BOP1: variants seen among roughly 807,000 people sequenced by gnomAD.
BOP1 encodes ribosome biogenesis protein BOP1.
Under a neutral mutation model 82.9 loss-of-function variants are expected in BOP1, and 54 were observed. That is an observed-to-expected ratio of 0.65 (90% CI 0.52 to 0.82). BOP1 has a LOEUF of 0.82. Ranked by LOEUF, BOP1 falls within the 40% of genes least tolerant of loss-of-function variation. The pLI is 0.00. For synonymous variants in BOP1, 566 were observed against 451.1 expected, an observed-to-expected ratio of 1.25 and a Z score of -3.23; for missense variants, 1,170 against 1,072.0, an observed-to-expected ratio of 1.09 and a Z score of -1.28.
At chr8:144,270,543 C>T (rs901005972) in intron 3 of BOP1, among the ~76,000 whole-genome samples, 2 of 152,100 alleles carry the variant, frequency 1.3e-5, no homozygotes, top group Admixed American at 1.3e-4. Context: ...CTGAGCTGCA[C>T]CGGTAGCAGC....
chr8:144,282,341 G>C (rs1248050146), intron 2 of BOP1, among the ~76,000 whole-genome samples: 1 of 152,212 alleles, frequency 6.6e-6, no homozygotes, highest in East Asian at 1.9e-4. Flanking sequence ...GTCCCAGGGA[G>C]TAGGAACCAG....
chr8:144,285,434 G>A (rs1271282822), intron 2 of BOP1, among the ~76,000 whole-genome samples: 1 of 152,152 alleles, frequency 6.6e-6, no homozygotes, highest in Non-Finnish European at 1.5e-5. Flanking sequence ...GAGGGAGTGG[G>A]GGGACAGGCA....
At position 144,268,049 on chromosome 8, in the gene BOP1, C is replaced by G. The variant is rs1035622616; in HGVS notation, c.391-2978G>C. The G allele has an allele frequency of 1.9e-6, 3 of 1,548,880 alleles. No homozygotes were observed. In the African/African-American group the frequency reaches 4.1e-5, roughly 21 times the overall value. On this transcript the variant is annotated intron_variant, in intron 3 of 15. Transcript: ENST00000569669. ...GCACCCAGCAGGGAGGCCAGAGAGG[C>G]GCAGACTGGCGCTGGGCTCTGCCGG...
At chr8:144,264,886 C>T (rs940362926) in intron 4 of BOP1, 31 bp downstream of exon 4, 17 of 1,608,788 alleles carry the variant, frequency 1.1e-5, no homozygotes, top group South Asian at 4.4e-5. Flanking sequence ...GGGCCCACCC[C>T]GGCTGCTGGC....
intron 2 of BOP1, among the ~76,000 whole-genome samples, chr8:144,283,788 G>C (rs782020195): frequency 2.0e-5 from 3 of 152,238 alleles, no homozygotes; most frequent in African/African-American, 7.2e-5. Flanking sequence ...TGGCATCACC[G>C]CCTAGCGGAG....
chr8:144,263,150 G>C lies in BOP1; in HGVS notation c.1606-9C>G, dbSNP rs985719352. Reference sequence around the variant, plus strand: ...GTCACCTGCGTCACTGGCTGCAGGAGAGCAAGGCTGGCTGAGTGGCTGAGC... The same window carrying C: ...GTCACCTGCGTCACTGGCTGCAGGACAGCAAGGCTGGCTGAGTGGCTGAGC... On this transcript the variant is annotated splice_polypyrimidine_tract_variant and intron_variant, in intron 12 of 15. Transcript: ENST00000569669. 5.8e-5 allele frequency: 93 copies of C among 1,593,508 alleles called. No individual in the cohort carries two copies. Among genetic ancestry groups the C allele is most frequent in the African/African-American group, 6.7e-5 (5 of 74,800 alleles).
chr8:144,268,684 A>G lies in BOP1; in HGVS notation c.391-3613T>C, dbSNP rs1845437538. Among the ~76,000 whole-genome samples the G allele has an allele frequency of 2.6e-5, 4 of 152,070 alleles. No homozygotes were observed. In the South Asian group the frequency reaches 8.3e-4, roughly 31 times the overall value. On this transcript the variant is annotated intron_variant, in intron 3 of 15. Coordinates refer to ENST00000569669, the MANE Select transcript of BOP1 (RefSeq NM_015201.5). Reference sequence around the variant, plus strand: ...GCTTAGCTCACCCACAGAGCCTCATATCGGGAAGCTGTGGGGTGGGGACAA... The same window carrying G: ...GCTTAGCTCACCCACAGAGCCTCATGTCGGGAAGCTGTGGGGTGGGGACAA...
chr8:144,278,791 G>A (rs1554838603), intron 2 of BOP1, among the ~76,000 whole-genome samples: 1 of 152,212 alleles, frequency 6.6e-6, no homozygotes, highest in Non-Finnish European at 1.5e-5. Context: ...CCAGCACAGA[G>A]ACAGGCTGCT....
At chr8:144,285,930 A>G (rs1192347074) in intron 2 of BOP1, among the ~76,000 whole-genome samples, 2 of 152,244 alleles carry the variant, frequency 1.3e-5, no homozygotes. Context: ...CTAACTGGGC[A>G]TGACGGGGCC....
intron 2 of BOP1, among the ~76,000 whole-genome samples, chr8:144,285,477 C>A (rs1369470353): frequency 2.6e-5 from 4 of 152,150 alleles, no homozygotes; most frequent in Non-Finnish European, 5.9e-5. Context: ...TTAGCAAAAA[C>A]ATCATCTCGT....
Position 144,262,463 on chromosome 8 carries a change from G to T in BOP1, c.2020C>A (p.Arg674=), listed in dbSNP as rs1400576650. 4 of 1,612,850 alleles carry T rather than the reference G, an allele frequency of 2.5e-6. No individual in the cohort carries two copies. Among genetic ancestry groups the T allele is most frequent in the Non-Finnish European group, 3.4e-6 (4 of 1,179,828 alleles). The change falls in exon 15 of 16, where the codon CGG becomes AGG. Residue 674 remains arginine, a synonymous_variant. Transcript: ENST00000569669. ...KALRAVAFHP[R]YPLFASGSDD... ...GAGCCTGACGCAAAGAGTGGGTACC[G>T]CGGGTGGAAGGCCACAGCCCGCAGA... is the stretch of plus-strand genomic sequence containing the variant.
intron 3 of BOP1, chr8:144,267,180 G>A: frequency 2.0e-6 from 3 of 1,521,802 alleles, no homozygotes; most frequent in Non-Finnish European, 2.6e-6. Context: ...AGAGAAAGTT[G>A]GTGAGCACGG....
chr8:144,273,185 G>A (rs961869903), intron 3 of BOP1, among the ~76,000 whole-genome samples: 9 of 152,184 alleles, frequency 5.9e-5, no homozygotes, highest in African/African-American at 2.2e-4. Flanking sequence ...CGGCCCGGAG[G>A]AGCGGAGGCC....
chr8:144,263,810 A>G (rs1375415705), intron 9 of BOP1, 21 bp downstream of exon 9: 21 of 1,609,386 alleles, frequency 1.3e-5, no homozygotes, highest in Non-Finnish European at 1.7e-5. Context: ...GTGCAACCCC[A>G]GCCCCCTAGT....
rs1392769759 is a variant in BOP1 at position 144,264,643 on chromosome 8, G to A, written c.664-27C>T. On this transcript the variant is annotated intron_variant, in intron 5 of 15. Transcript: ENST00000569669. ...TGGGGGAGAAGATGTGGGCGTGTGG[G>A]CCAGAGTGGCTGAGGCCCTGCTGGT... The A allele has an allele frequency of 2.0e-5, 31 of 1,573,962 alleles. No homozygotes were observed. The East Asian group carries it at 5.8e-4, about 30-fold the overall frequency.
chr8:144,280,917 C>G (rs926917690), intron 2 of BOP1, among the ~76,000 whole-genome samples: 1 of 151,652 alleles, frequency 6.6e-6, no homozygotes, highest in Non-Finnish European at 1.5e-5. Flanking sequence ...CACTTTCATA[C>G]CAGGTCTTAG....
At chr8:144,268,947 G>T (rs542236373) in intron 3 of BOP1, among the ~76,000 whole-genome samples, 12 of 152,160 alleles carry the variant, frequency 7.9e-5, no homozygotes, top group African/African-American at 2.7e-4. Context: ...CCAGCGGAGG[G>T]GGGGGCTCCC....
chr8:144,269,487 G>A (rs1845455032), intron 3 of BOP1, among the ~76,000 whole-genome samples: 1 of 152,256 alleles, frequency 6.6e-6, no homozygotes, highest in Non-Finnish European at 1.5e-5. Context: ...ACAGGCTCCA[G>A]GGAATGGCGG....
chr8:144,280,402 C>A (rs1269054740), intron 2 of BOP1, among the ~76,000 whole-genome samples: 1 of 152,244 alleles, frequency 6.6e-6, no homozygotes, highest in African/African-American at 2.4e-5. Context: ...GCACCCAGAC[C>A]CCAGAACCAC....
Sources: gnomAD v4.1 joint callset for allele counts (sites outside exome capture counted in the v4.1 genomes callset) on GRCh38, gnomAD v4.1.1 for gene constraint, MANE v1.5 for transcripts, NCBI Gene and HGNC (gene_info 2026-07-23, HGNC 2026-07-21) for gene names.